IL18BP: variants seen among roughly 807,000 people sequenced by gnomAD.
The protein encoded by IL18BP is interleukin 18 binding protein, also known as interleukin-18-binding protein.
Under a neutral mutation model 19.9 loss-of-function variants are expected in IL18BP, and 23 were observed. The observed-to-expected ratio is 1.15, with a 90% CI of 0.83 to 1.64. The LOEUF (loss-of-function observed/expected upper bound fraction) is 1.64. Among genes scored for constraint, IL18BP ranks in the 40% most tolerant of loss-of-function variants. The probability of loss-of-function intolerance (pLI) is 0.00; values close to 1 mark genes in which losing one functional copy is unlikely to be tolerated. For synonymous variants in IL18BP, 107 were observed against 101.0 expected (o/e 1.06, Z -0.35); for missense variants, 239 against 240.7 (o/e 0.99, Z 0.05).
At chr11:72,004,072 T>C (rs1955484055), downstream of IL18BP, 3 of 1,613,120 alleles carry the variant, frequency 1.9e-6, no homozygotes, top group African/African-American at 1.3e-5. Flanking sequence ...TTGAGGATGC[T>C]GAAGGCCATC....
chr11:72,007,044 C>A, downstream of IL18BP: 3 of 935,668 alleles, frequency 3.2e-6, no homozygotes, highest in Non-Finnish European at 4.7e-6. Context: ...CAAGTCACTG[C>A]CCTTTTTAAG....
chr11:72,001,651 T>C, intron 5 of IL18BP, 99 bp downstream of exon 5: 1 of 1,599,344 alleles, frequency 6.3e-7, no homozygotes, highest in East Asian at 2.3e-5. Flanking sequence ...TGTGAACTAA[T>C]GCCCAGCATT....
downstream of IL18BP, chr11:72,006,036 T>C (rs1389131175): frequency 6.2e-7 from 1 of 1,609,932 alleles, no homozygotes; most frequent in South Asian, 1.1e-5. Flanking sequence ...TCCCCTCACC[T>C]GGAGGGGCCC....
downstream of IL18BP, chr11:72,005,462 C>T (rs535888929): frequency 4.0e-6 from 5 of 1,258,916 alleles, no homozygotes; most frequent in Non-Finnish European, 5.6e-6. Context: ...TGCCACCTAC[C>T]CCATAAACTT....
chr11:72,004,123 G>A (rs765467147), downstream of IL18BP: 18 of 1,612,508 alleles, frequency 1.1e-5, no homozygotes, highest in East Asian at 6.7e-5. Flanking sequence ...CTGTCAGACC[G>A]GGAGACCCAA....
At chr11:72,007,268 T>C (rs772628405), downstream of IL18BP, 1 of 1,613,114 alleles carries the variant, frequency 6.2e-7, no homozygotes, top group East Asian at 2.2e-5. Context: ...CAGGAAGACG[T>C]CTCCCAGGGA....
At chr11:72,005,605 C>T (rs185893380), downstream of IL18BP, 38 of 543,942 alleles carry the variant, frequency 7.0e-5, no homozygotes, top group African/African-American at 7.0e-4. Flanking sequence ...GAGACTGCTA[C>T]TACATCTTAC....
chr11:72,000,267 A>G, intron 2 of IL18BP, 84 bp from the exon 3 acceptor site: 1 of 1,252,580 alleles, frequency 8.0e-7, no homozygotes, highest in Non-Finnish European at 1.2e-6. Context: ...TAGAACCCAG[A>G]CATCTCTGGG....
rs5743670 is a variant in IL18BP at position 72,001,042 on chromosome 11, C to G, written c.236-159C>G. Among the ~76,000 whole-genome samples the G allele has an allele frequency of 6.9e-3, 1,050 of 152,344 alleles. 2 individuals carry two copies. The highest frequency in any genetic ancestry group is 0.016 in the African/African-American group (667 of 41,588). On this transcript the variant is annotated intron_variant, in intron 3 of 5. Transcript: ENST00000393703. ...GGCTAGGGCCTCTCGGAGACAACTG[C>G]ACTTCTGTAACGGACGTTCCCACCT...
In IL18BP at chr11:72,002,121, TCA is replaced by T; in HGVS notation, c.*264_*265del. ...ATTAGCCTTCCTAACGTCCTACTCC[TCA>T]CACTGCTCTACTGCTCAGAAACCAC... On this transcript the variant is annotated 3_prime_UTR_variant, in exon 6 of 6. Coordinates refer to ENST00000393703, the MANE Select transcript of IL18BP (RefSeq NM_001039660.2). 5.2e-6 allele frequency: 3 copies of T among 581,234 alleles called. No homozygotes were observed. The highest frequency in any genetic ancestry group is 9.3e-6 in the Non-Finnish European group (3 of 323,312). 36.0% of individuals were successfully genotyped at this position (581,234 alleles called of 1,614,324 possible).
intron 5 of IL18BP, 56 bp from the exon 6 acceptor site, chr11:72,001,728 T>C: frequency 1.2e-6 from 2 of 1,613,470 alleles, no homozygotes; most frequent in Non-Finnish European, 1.7e-6. Context: ...TGGGGCAAAG[T>C]GATGAGATGT....
chr11:72,004,203 C>T (rs184811762), downstream of IL18BP: 1,116 of 1,605,590 alleles, frequency 7.0e-4, 6 homozygotes, highest in African/African-American at 0.014. Flanking sequence ...GTCGCTTCAT[C>T]CCCCTTCAGC....
At position 72,002,622 on chromosome 11, in the gene IL18BP, G is replaced by C. The variant is rs374681765; in HGVS notation, c.*761G>C. 6.2e-6 allele frequency: 1 copy of C among 160,208 alleles called. No individual in the cohort carries two copies. Among genetic ancestry groups the C allele is most frequent in the Non-Finnish European group, 1.4e-5 (1 of 72,704 alleles). The allele number at this position is 160,208 out of a possible 1,614,324, so 9.9% of individuals were successfully genotyped here. ...TATGGGAGAGAGGGACTGCCACACA[G>C]AAGCTGAAGACAACACCTGCTTCAG... On this transcript the variant is annotated 3_prime_UTR_variant, in exon 6 of 6. Transcript: ENST00000393703.
downstream of IL18BP, chr11:72,005,421 C>T: frequency 3.8e-6 from 6 of 1,571,130 alleles, no homozygotes; most frequent in South Asian, 2.3e-5. Flanking sequence ...GGCAGGTCAC[C>T]TCCTGGCCCT....
At position 72,002,016 on chromosome 11, in the gene IL18BP, A is replaced by C. The variant is rs1480904887; in HGVS notation, c.*155A>C. 27 of 1,095,196 alleles carry C rather than the reference A, an allele frequency of 2.5e-5. No individual in the cohort carries two copies. The highest frequency in any genetic ancestry group is 1.7e-5 in the Non-Finnish European group (13 of 765,670). The allele number at this position is 1,095,196 out of a possible 1,614,324, so 67.8% of individuals were successfully genotyped here. A position where few individuals can be genotyped will look rare whatever the true frequency, so the allele number is the denominator to read the frequency against. The stretch of plus-strand genomic sequence containing the variant: ...TTGGGTCCCTTCTCTCACCAAATTC[A>C]AACTCCATTCCCACCTACCTAGAAA... On this transcript the variant is annotated 3_prime_UTR_variant, in exon 6 of 6. Coordinates refer to ENST00000393703, the MANE Select transcript of IL18BP (RefSeq NM_001039660.2).
chr11:72,000,345 C>T lies in IL18BP; in HGVS notation c.29-6C>T. ...AGCCGCTGACCTGTAACTGTCCTTTCCTCAGACCTCAGCCCTTTGTGGGTC... is the reference window on the plus strand; with the variant it reads ...AGCCGCTGACCTGTAACTGTCCTTTTCTCAGACCTCAGCCCTTTGTGGGTC... On this transcript the variant is annotated splice_region_variant and splice_polypyrimidine_tract_variant and intron_variant, in intron 2 of 5. Coordinates refer to ENST00000393703, the MANE Select transcript of IL18BP (RefSeq NM_001039660.2). The T allele has an allele frequency of 6.2e-7, 1 of 1,613,194 alleles. No homozygotes were observed. Among genetic ancestry groups the T allele is most frequent in the Non-Finnish European group, 8.5e-7 (1 of 1,179,728 alleles).
In IL18BP at chr11:72,002,785, G is replaced by A. The variant is rs558942289; in HGVS notation, c.*924G>A. The A allele has an allele frequency of 1.2e-4, 23 of 186,452 alleles. No individual in the cohort carries two copies. Among genetic ancestry groups the A allele is most frequent in the Admixed American group, 3.1e-4 (5 of 16,102 alleles). 11.5% of individuals were successfully genotyped at this position (186,452 alleles called of 1,614,324 possible). A position where few individuals can be genotyped will look rare whatever the true frequency, so the allele number is the denominator to read the frequency against. Reference sequence around the variant, plus strand: ...GGGATGAGAGAAAGGAGGTGGTATGGAAGACTCAGCAGGAACAAGGTAGGC... The same window carrying A: ...GGGATGAGAGAAAGGAGGTGGTATGAAAGACTCAGCAGGAACAAGGTAGGC... On this transcript the variant is annotated 3_prime_UTR_variant, in exon 6 of 6. Coordinates refer to ENST00000393703, the MANE Select transcript of IL18BP (RefSeq NM_001039660.2).
chr11:72,004,854 G>C, downstream of IL18BP: 1 of 1,518,878 alleles, frequency 6.6e-7, no homozygotes, highest in Non-Finnish European at 8.8e-7. Context: ...GACCATAGCT[G>C]TATGGAGATG....
Position 72,002,292 on chromosome 11 carries a change from C to T in IL18BP, c.*431C>T. 5.1e-6 allele frequency: 1 copy of T among 194,458 alleles called. No homozygotes were observed. Among genetic ancestry groups the T allele is most frequent in the Non-Finnish European group, 1.1e-5 (1 of 95,006 alleles). The allele number at this position is 194,458 out of a possible 1,614,324, so 12.0% of individuals were successfully genotyped here. On this transcript the variant is annotated 3_prime_UTR_variant, in exon 6 of 6. Transcript: ENST00000393703. ...TGCTCATTTAGTCCCGTCTTCCTCA[C>T]CGCCCCAGCAGGGGAACGCTCAAGC...
Sources: allele counts gnomAD v4.1 joint callset (sites outside exome capture counted in the v4.1 genomes callset), GRCh38; gene constraint gnomAD v4.1.1; transcripts MANE v1.5; gene names NCBI Gene and HGNC (gene_info 2026-07-23, HGNC 2026-07-21).